Variants in LMBRD1 observed in about 807,000 individuals in gnomAD.
LMBRD1 encodes the protein lysosomal cobalamin transport escort protein LMBD1.
LMBRD1 carries 64 observed loss-of-function variants against 74.8 expected under a neutral mutation model. That is an observed-to-expected ratio of 0.86 (90% CI 0.70 to 1.05). The LOEUF (loss-of-function observed/expected upper bound fraction) is 1.05, where lower values mean the gene tolerates loss of function less well. LMBRD1 is among the 50% of genes least tolerant of loss of function. The pLI, the probability that LMBRD1 is intolerant of heterozygous loss-of-function variation, is 0.00. For synonymous variants in LMBRD1, 204 were observed against 216.3 expected, an observed-to-expected ratio of 0.94 and a Z score of 0.50; for missense variants, 652 against 645.9, an observed-to-expected ratio of 1.01 and a Z score of -0.10.
At chr6:69,768,589 C>G (rs1051524909) in intron 3 of LMBRD1, among the ~76,000 whole-genome samples, 9 of 151,910 alleles carry the variant, frequency 5.9e-5, no homozygotes, top group African/African-American at 2.2e-4. Flanking sequence ...TTACTTTATA[C>G]AATCTTAAAT....
intron 8 of LMBRD1, among the ~76,000 whole-genome samples, chr6:69,718,280 T>C (rs1049084886): frequency 6.6e-6 from 1 of 152,084 alleles, no homozygotes; most frequent in African/African-American, 2.4e-5. Flanking sequence ...AACATAAATA[T>C]TATAGTAAAA....
chr6:69,739,918 C>T (rs1767063426), intron 6 of LMBRD1, among the ~76,000 whole-genome samples: 1 of 152,096 alleles, frequency 6.6e-6, no homozygotes, highest in South Asian at 2.1e-4. Flanking sequence ...CCAGCCTGGC[C>T]AATATGTTGA....
At chr6:69,696,721 G>A (rs371690476) in intron 14 of LMBRD1, among the ~76,000 whole-genome samples, 15 of 151,690 alleles carry the variant, frequency 9.9e-5, no homozygotes, top group East Asian at 9.7e-4. Flanking sequence ...AGTTAATTGC[G>A]TCTTCCTCTG....
intron 14 of LMBRD1, among the ~76,000 whole-genome samples, chr6:69,679,870 G>A (rs1179308420): frequency 6.6e-6 from 1 of 152,032 alleles, no homozygotes; most frequent in Non-Finnish European, 1.5e-5. Flanking sequence ...AGGCAAAGTG[G>A]CGCTTAATAT....
At chr6:69,756,967 TA>T (rs1157734752) in intron 3 of LMBRD1, among the ~76,000 whole-genome samples, 1 of 152,138 alleles carries the variant, frequency 6.6e-6, no homozygotes, top group African/African-American at 2.4e-5. Flanking sequence ...CCTGAAAACA[TA>T]CAAGCATTCA....
chr6:69,748,223 C>T (rs1765039495), intron 5 of LMBRD1, among the ~76,000 whole-genome samples: 1 of 152,156 alleles, frequency 6.6e-6, no homozygotes, highest in Admixed American at 6.5e-5. Flanking sequence ...AAAATACTTA[C>T]TATCTATGCT....
intron 5 of LMBRD1, among the ~76,000 whole-genome samples, chr6:69,747,050 C>T (rs114720928): frequency 2.5e-3 from 375 of 148,578 alleles, no homozygotes; most frequent in African/African-American, 8.8e-3. Flanking sequence ...GTCCCCTGTA[C>T]TCAACTCTCC....
At chr6:69,783,631 T>C (rs551320661) in intron 2 of LMBRD1, among the ~76,000 whole-genome samples, 72 of 152,314 alleles carry the variant, frequency 4.7e-4, no homozygotes, top group Admixed American at 5.2e-4. Flanking sequence ...TGCCTCAGCC[T>C]CTAGGTTTAC....
rs190573930 is a variant in LMBRD1, at chr6:69,787,211, G to A, written c.246+3085C>T. On this transcript the variant is annotated intron_variant, in intron 2 of 15. Transcript: ENST00000649934. ...AGTAATAACTTTAGGAAAAACTACTGTCTAGAGTTTATCAGGAAAATGTTT... is the reference window on the plus strand; with the variant it reads ...AGTAATAACTTTAGGAAAAACTACTATCTAGAGTTTATCAGGAAAATGTTT... Among the ~76,000 whole-genome samples the A allele has an allele frequency of 1.1e-3, 167 of 152,234 alleles. 8 individuals are homozygous for A. Among genetic ancestry groups the A allele is most frequent in the Admixed American group, 0.011 (163 of 15,290 alleles).
At chr6:69,706,296 T>C (rs1214149001) in intron 9 of LMBRD1, 2 of 175,198 alleles carry the variant, frequency 1.1e-5, no homozygotes, top group Non-Finnish European at 2.4e-5. Context: ...GACTCTAATA[T>C]GTTTCAATTA....
chr6:69,732,869 T>C (rs1400048218), intron 7 of LMBRD1, among the ~76,000 whole-genome samples: 12 of 152,166 alleles, frequency 7.9e-5, no homozygotes, highest in Non-Finnish European at 8.8e-5. Context: ...AATATCTACA[T>C]ATATATCCGT....
At position 69,782,625 on chromosome 6, in the gene LMBRD1, G is replaced by A. The variant is rs1468014170; in HGVS notation, c.247-2071C>T. 5.9e-5 allele frequency among the ~76,000 whole-genome samples: 9 copies of A among 151,940 alleles called. No individual in the cohort carries two copies. The South Asian group carries it at 1.2e-3, about 21-fold the overall frequency. ...TAACTTGGGAGGCAGAGGTTGCAGC[G>A]AGCCAAGATCATGCCACTACACTCT... On this transcript the variant is annotated intron_variant, in intron 2 of 15. Coordinates refer to ENST00000649934, the MANE Select transcript of LMBRD1 (RefSeq NM_018368.4).
chr6:69,724,017 A>G (rs1451423867), intron 7 of LMBRD1, among the ~76,000 whole-genome samples: 1 of 152,114 alleles, frequency 6.6e-6, no homozygotes, highest in Non-Finnish European at 1.5e-5. Context: ...AGTGGCTACT[A>G]TGAACAACTA....
At position 69,796,890 on chromosome 6, in the gene LMBRD1, C is replaced by T. The variant is rs755036873; in HGVS notation, c.-9G>A. The T allele has an allele frequency of 1.9e-6, 3 of 1,613,936 alleles. No individual in the cohort carries two copies. The South Asian group carries it at 3.3e-5, about 18-fold the overall frequency. ...GCGCCAGAAGTCGCCATCTTCGCTT[C>T]CGGTCCAGACCAACCTGAGCGCCCG... is the stretch of plus-strand genomic sequence containing the variant. On this transcript the variant is annotated 5_prime_UTR_variant, in exon 1 of 16. Transcript: ENST00000649934.
chr6:69,693,418 A>G (rs999621325), intron 14 of LMBRD1, among the ~76,000 whole-genome samples: 1 of 152,066 alleles, frequency 6.6e-6, no homozygotes, highest in Non-Finnish European at 1.5e-5. Flanking sequence ...TATTAATTTT[A>G]AAAGTCTAAA....
intron 3 of LMBRD1, among the ~76,000 whole-genome samples, chr6:69,753,954 G>T (rs537483049): frequency 2.0e-5 from 3 of 150,052 alleles, no homozygotes; most frequent in African/African-American, 7.5e-5. Flanking sequence ...AAAAAAAAAA[G>T]TTAGGAAATG....
At position 69,693,593 on chromosome 6, in the gene LMBRD1, T is replaced by C. The variant is rs572425735; in HGVS notation, c.1417+3970A>G. The stretch of plus-strand genomic sequence containing the variant: ...AAATCATTCTCTAAAATTCTGTTAC[T>C]TGCAATGGATACATTGCAAAGGTGC... On this transcript the variant is annotated intron_variant, in intron 14 of 15. Coordinates refer to ENST00000649934, the MANE Select transcript of LMBRD1 (RefSeq NM_018368.4). Among the ~76,000 whole-genome samples the C allele has an allele frequency of 2.0e-5, 3 of 152,180 alleles. No individual in the cohort carries two copies. The South Asian group carries it at 6.2e-4, about 32-fold the overall frequency.
At chr6:69,777,072 T>C (rs1187057617) in intron 3 of LMBRD1, among the ~76,000 whole-genome samples, 1 of 152,036 alleles carries the variant, frequency 6.6e-6, no homozygotes, top group Admixed American at 6.6e-5. Flanking sequence ...CACTTGAACC[T>C]GGGAGGCGAA....
At position 69,722,422 on chromosome 6, in the gene LMBRD1, C is replaced by T. The variant is rs181252925; in HGVS notation, c.637-3341G>A. ...ATAACACTACAATGGTGGTGTGTAA[C>T]TAGTCTTGTCTTAAGTAGAAAACTA... On this transcript the variant is annotated intron_variant, in intron 7 of 15. Coordinates refer to ENST00000649934, the MANE Select transcript of LMBRD1 (RefSeq NM_018368.4). 1.2e-3 allele frequency among the ~76,000 whole-genome samples: 185 copies of T among 150,352 alleles called. No individual in the cohort carries two copies. The Middle Eastern group carries it at 0.014, about 11-fold the overall frequency.
Sources: allele counts gnomAD v4.1 joint callset (sites outside exome capture counted in the v4.1 genomes callset), GRCh38; gene constraint gnomAD v4.1.1; transcripts MANE v1.5; gene names NCBI Gene and HGNC (gene_info 2026-07-23, HGNC 2026-07-21).